The following STK32B variants were observed in gnomAD, a reference collection of about 807,000 sequenced individuals.
STK32B encodes serine/threonine-protein kinase 32B.
In STK32B, 43 loss-of-function variants were observed where a neutral mutation model predicts 52.6. The ratio of observed to expected loss-of-function variants is 0.82; its 90% confidence interval spans 0.64 to 1.05. The LOEUF (loss-of-function observed/expected upper bound fraction) is 1.05, where lower values mean the gene tolerates loss of function less well. STK32B is among the 50% of genes least tolerant of loss of function. The pLI is 0.00. For missense variants in STK32B, 621 were observed against 534.6 expected, an observed-to-expected ratio of 1.16 and a Z score of -1.59; for synonymous variants, 238 against 204.3, an observed-to-expected ratio of 1.17 and a Z score of -1.41.
rs542551044 is a variant in STK32B, at chr4:5,394,558, C to T, written c.435-3649C>T. 1.3e-5 allele frequency among the ~76,000 whole-genome samples: 2 copies of T among 152,234 alleles called. No homozygotes were observed. Among genetic ancestry groups the T allele is most frequent in the Non-Finnish European group, 2.9e-5 (2 of 68,044 alleles). ...GCTTTGCAGGCATCTGCCCAGCAGT[C>T]TCCTGTGAAAGAGACCTAATTTGCT... is the stretch of plus-strand genomic sequence containing the variant. On this transcript the variant is annotated intron_variant, in intron 4 of 11. Coordinates refer to ENST00000282908, the MANE Select transcript of STK32B (RefSeq NM_018401.3). The surrounding 1 kb of genome is among the most constrained non-coding windows in gnomAD (Gnocchi z 4.2).
intron 2 of STK32B, among the ~76,000 whole-genome samples, chr4:5,159,542 T>TATATATATGAATATATATGAATGA (rs1718171478): frequency 4.9e-5 from 5 of 102,942 alleles, no homozygotes; most frequent in Non-Finnish European, 7.8e-5. Flanking sequence ...TGTATATATG[T>TATATATATGAATATATATGAATGA]ATATATATGA....
At chr4:5,268,999 G>A (rs775817904) in intron 3 of STK32B, among the ~76,000 whole-genome samples, 15 of 152,076 alleles carry the variant, frequency 9.9e-5, no homozygotes, top group Non-Finnish European at 1.9e-4. Flanking sequence ...TTCAGGTTGT[G>A]ACTCTGGAAG....
intron 4 of STK32B, among the ~76,000 whole-genome samples, chr4:5,331,652 G>T (rs1732259537): frequency 6.6e-6 from 1 of 152,112 alleles, no homozygotes; most frequent in East Asian, 1.9e-4. Flanking sequence ...GCTCCAGTAT[G>T]CCTAGGGAAG....
chr4:5,105,298 C>T (rs1363110381), intron 1 of STK32B, among the ~76,000 whole-genome samples: 3 of 151,992 alleles, frequency 2.0e-5, no homozygotes, highest in African/African-American at 7.2e-5. Flanking sequence ...AGCAAGACTC[C>T]ATCTCTACAA....
chr4:5,496,825 T>C (rs1720306076), intron 11 of STK32B, among the ~76,000 whole-genome samples: 1 of 151,358 alleles, frequency 6.6e-6, no homozygotes, highest in Admixed American at 6.6e-5. Flanking sequence ...AAAAACAGCA[T>C]GAAGATCAAA....
intron 4 of STK32B, among the ~76,000 whole-genome samples, chr4:5,383,970 A>G (rs1166319375): frequency 1.3e-5 from 2 of 152,116 alleles, no homozygotes; most frequent in Non-Finnish European, 2.9e-5. Context: ...GAAGGAGGGG[A>G]GGTGATAGGG....
At chr4:5,493,918 G>C (rs1045303115) in intron 11 of STK32B, among the ~76,000 whole-genome samples, 1 of 152,262 alleles carries the variant, frequency 6.6e-6, no homozygotes, top group Non-Finnish European at 1.5e-5. Context: ...CTGAGTTCTA[G>C]TTTGATAGCA....
At chr4:5,032,658 A>C in the STK32B span, among the ~76,000 whole-genome samples, 1 of 152,108 alleles carries the variant, frequency 6.6e-6, no homozygotes, top group Admixed American at 6.5e-5. Context: ...ATAATATAAA[A>C]TTTATCATTT....
chr4:5,423,919 C>T (rs948722842), intron 6 of STK32B, among the ~76,000 whole-genome samples: 1 of 152,102 alleles, frequency 6.6e-6, no homozygotes, highest in African/African-American at 2.4e-5. Flanking sequence ...GTTGGAGAGG[C>T]GGGATTCCTG....
intron 3 of STK32B, among the ~76,000 whole-genome samples, chr4:5,223,951 C>G (rs1334548011): frequency 6.6e-6 from 1 of 151,810 alleles, no homozygotes; most frequent in Non-Finnish European, 1.5e-5. Context: ...ATGGGAATGT[C>G]TAGCCTATAC....
intron 5 of STK32B, among the ~76,000 whole-genome samples, chr4:5,410,702 G>C (rs1371462098): frequency 6.6e-6 from 1 of 152,106 alleles, no homozygotes; most frequent in Admixed American, 6.5e-5. Context: ...AAAATCAAGA[G>C]TTAAAATGGA....
intron 4 of STK32B, among the ~76,000 whole-genome samples, chr4:5,366,481 C>T (rs546545632): frequency 3.9e-5 from 6 of 152,252 alleles, no homozygotes; most frequent in African/African-American, 1.2e-4. Flanking sequence ...CATTTTTTTC[C>T]GTTGCTGACA....
chr4:5,454,013 C>T (rs1297185013), intron 7 of STK32B, among the ~76,000 whole-genome samples: 3 of 152,178 alleles, frequency 2.0e-5, no homozygotes, highest in Non-Finnish European at 4.4e-5. Context: ...GAGAACTGCC[C>T]TTCCGCAAAC....
rs1577542292 is a variant in STK32B, at chr4:5,460,030, C to G, written c.784-73C>G. The G allele has an allele frequency of 6.2e-7, 1 of 1,609,612 alleles. No homozygotes were observed. On this transcript the variant is annotated intron_variant, in intron 8 of 11. Coordinates refer to ENST00000282908, the MANE Select transcript of STK32B (RefSeq NM_018401.3). The surrounding 1 kb of genome is among the most constrained non-coding windows in gnomAD (Gnocchi z 4.8). ...AGAGGCACATTAATTGCCCTGAGAC[C>G]CCCTCCTTCAGAGTCCCCGCTAACC...
chr4:5,167,014 G>A (rs1057440382), intron 2 of STK32B, among the ~76,000 whole-genome samples: 4 of 151,358 alleles, frequency 2.6e-5, no homozygotes, highest in Admixed American at 6.6e-5. Flanking sequence ...GTGCATGTCA[G>A]CCCTGCTCAC....
intron 3 of STK32B, among the ~76,000 whole-genome samples, chr4:5,318,713 C>T (rs1420147425): frequency 6.6e-6 from 1 of 152,224 alleles, no homozygotes; most frequent in East Asian, 1.9e-4. Flanking sequence ...CCAAGTCCCT[C>T]AGGATGACCA....
At chr4:5,429,524 C>G (rs947984489) in intron 6 of STK32B, among the ~76,000 whole-genome samples, 1 of 148,470 alleles carries the variant, frequency 6.7e-6, no homozygotes, top group African/African-American at 2.5e-5. Flanking sequence ...TTATAATATA[C>G]CCAAATTCAT....
intron 6 of STK32B, among the ~76,000 whole-genome samples, chr4:5,425,157 G>A (rs771243922): frequency 2.0e-5 from 3 of 152,200 alleles, no homozygotes; most frequent in Admixed American, 6.5e-5. Context: ...CCCTTGGCAG[G>A]TTTGGGATCT....
intron 9 of STK32B, among the ~76,000 whole-genome samples, 192 bp from the exon 10 acceptor site, chr4:5,466,511 A>C (rs1367369764): frequency 6.6e-6 from 1 of 152,142 alleles, no homozygotes; most frequent in Non-Finnish European, 1.5e-5. Flanking sequence ...ACTATGTGTA[A>C]ATATATGATG....
Sources: allele counts gnomAD v4.1 joint callset (sites outside exome capture counted in the v4.1 genomes callset), GRCh38; gene constraint gnomAD v4.1.1; non-coding constraint Gnocchi (gnomAD v3.1); transcripts MANE v1.5; gene names NCBI Gene and HGNC (gene_info 2026-07-23, HGNC 2026-07-21).